PPP1R9B: variants seen among roughly 807,000 people sequenced by gnomAD.
PPP1R9B encodes neurabin-2.
Under a neutral mutation model 75.8 loss-of-function variants are expected in PPP1R9B, and 17 were observed. The ratio of observed to expected loss-of-function variants is 0.22; its 90% CI spans 0.15 to 0.34. PPP1R9B has a LOEUF of 0.34. PPP1R9B is among the 10% of genes least tolerant of loss of function. The pLI is 1.00. For missense variants in PPP1R9B, 875 were observed against 1,196.0 expected, an observed-to-expected ratio of 0.73 and a Z score of 3.96; for synonymous variants, 509 against 535.4, an observed-to-expected ratio of 0.95 and a Z score of 0.68.
intron 8 of PPP1R9B, 30 bp downstream of exon 8, chr17:50,135,938 G>GGCCCCC: frequency 4.9e-6 from 7 of 1,419,236 alleles, no homozygotes; most frequent in Non-Finnish European, 5.8e-6. Flanking sequence ...TGCTCCCTGG[G>GGCCCCC]CCCAGCCCGC....
chr17:50,149,046 C>G lies in PPP1R9B; in HGVS notation c.1371+97G>C. 1.1e-6 allele frequency: 1 copy of G among 932,508 alleles called. No individual in the cohort carries two copies. Among genetic ancestry groups the G allele is most frequent in the African/African-American group, 1.8e-5 (1 of 55,224 alleles). The allele number at this position is 932,508 out of a possible 1,614,324, so 57.8% of individuals were successfully genotyped here. On this transcript the variant is annotated intron_variant, in intron 1 of 9. Coordinates refer to ENST00000612501, the MANE Select transcript of PPP1R9B (RefSeq NM_032595.5). This position sits in a 1 kb window ranked among gnomAD's most constrained non-coding sequence, Gnocchi z 7.2. ...AAGGGGGCTGGGTGGCAGGGGCTGA[C>G]TCAGCCTGCCAAACCCGGCTGGCTG...
At chr17:50,146,425 C>CCAGACT (rs1271741284) in intron 1 of PPP1R9B, among the ~76,000 whole-genome samples, 1 of 152,146 alleles carries the variant, frequency 6.6e-6, no homozygotes, top group African/African-American at 2.4e-5. Flanking sequence ...ACTAGGACCC[C>CCAGACT]ATCTCCCCCA....
At position 50,134,982 on chromosome 17, in the gene PPP1R9B, A is replaced by G. The variant is rs530862682; in HGVS notation, c.*349T>C. On this transcript the variant is annotated 3_prime_UTR_variant, in exon 10 of 10. Transcript: ENST00000612501. Reference sequence around the variant, plus strand: ...GCTGGGAGAGCCCCAGCCCCGTTCCAGTCCAGAGACAAAAGCTGGAGTGTG... The same window carrying G: ...GCTGGGAGAGCCCCAGCCCCGTTCCGGTCCAGAGACAAAAGCTGGAGTGTG... 7.8e-5 allele frequency: 23 copies of G among 293,318 alleles called. No homozygotes were observed. In the South Asian group the frequency reaches 9.7e-4, roughly 12 times the overall value. The allele number at this position is 293,318 out of a possible 1,614,324, so 18.2% of individuals were successfully genotyped here. A position where few individuals can be genotyped will look rare whatever the true frequency, so the allele number is the denominator to read the frequency against.
At position 50,149,481 on chromosome 17, in the gene PPP1R9B, C is replaced by T; in HGVS notation, c.1033G>A (p.Glu345Lys). The T allele has an allele frequency of 1.2e-6, 2 of 1,601,014 alleles. No individual in the cohort carries two copies. The highest frequency in any genetic ancestry group is 1.7e-6 in the Non-Finnish European group (2 of 1,174,744). Residue 345 changes from glutamate (E) to lysine (K), a missense_variant, in exon 1 of 10, where the codon GAG (glutamate) becomes AAG (lysine). By Grantham distance (56) the Glu-to-Lys change is moderately conservative (BLOSUM62 1). Around this residue, in one of 4 missense-constraint regions of PPP1R9B, gnomAD observed 449 missense variants for 475.0 expected, o/e 0.95. Transcript: ENST00000612501. The surrounding 1 kb of genome is among the most constrained non-coding windows in gnomAD (Gnocchi z 7.2). ...TCCGGGGCCGCTTGGGCCTTTGGCT[C>T]CTCGGGCGCGGGGCTGGCTGCAGTT... ...VATAASPAPE[E>K]PKAQAAPEKE...
intron 1 of PPP1R9B, among the ~76,000 whole-genome samples, chr17:50,148,363 G>A (rs1912576216): frequency 6.6e-6 from 1 of 152,238 alleles, no homozygotes. Context: ...CAAGAGTAAA[G>A]GCATGCCCAC....
chr17:50,137,907 GCCAT>G (rs1912269472), intron 7 of PPP1R9B, among the ~76,000 whole-genome samples: 1 of 152,098 alleles, frequency 6.6e-6, no homozygotes, highest in Non-Finnish European at 1.5e-5. Context: ...TTCTGCCCCA[GCCAT>G]CCAAACCCTG....
At chr17:50,140,038 C>T in intron 5 of PPP1R9B, 55 bp downstream of exon 5, 1 of 1,591,148 alleles carries the variant, frequency 6.3e-7, no homozygotes, top group Non-Finnish European at 8.6e-7. Flanking sequence ...GACTGTAATG[C>T]TTCATCTAGC....
At chr17:50,146,525 G>A (rs1295856161) in intron 1 of PPP1R9B, among the ~76,000 whole-genome samples, 1 of 152,162 alleles carries the variant, frequency 6.6e-6, no homozygotes, top group South Asian at 2.1e-4. Context: ...GCCTTTGTCT[G>A]GGTTTGCTCC....
At chr17:50,136,605 A>T (rs1021372252) in intron 7 of PPP1R9B, among the ~76,000 whole-genome samples, 2 of 151,802 alleles carry the variant, frequency 1.3e-5, no homozygotes, top group African/African-American at 2.4e-5. Context: ...GGTCACCATT[A>T]CTCTCTGTCC....
rs750999666 is a variant in PPP1R9B, at chr17:50,149,982, G to A, written c.532C>T (p.Leu178=). The A allele has an allele frequency of 4.0e-5, 61 of 1,507,898 alleles. No individual in the cohort carries two copies. The highest frequency in any genetic ancestry group is 5.3e-5 in the Non-Finnish European group (60 of 1,137,290). 93.4% of individuals were successfully genotyped at this position (1,507,898 alleles called of 1,614,324 possible). Residue 178 remains leucine (L), a synonymous_variant, in exon 1 of 10, where the codon CTG becomes TTG. Transcript: ENST00000612501. The surrounding 1 kb of genome is among the most constrained non-coding windows in gnomAD (Gnocchi z 7.2). ...ACGACGTCCAGCTTCCGGTCCTGCA[G>A]GCCGGCGCGCTCCTGCCTCAGCAGC... is the stretch of plus-strand genomic sequence containing the variant. ...RRLLRQERAG[L]QDRKLDVVVR...
chr17:50,140,080 A>C lies in PPP1R9B; in HGVS notation c.1866+13T>G. The C allele has an allele frequency of 2.5e-6, 4 of 1,612,228 alleles. No individual in the cohort carries two copies. The highest frequency in any genetic ancestry group is 3.4e-6 in the Non-Finnish European group (4 of 1,179,186). On this transcript the variant is annotated intron_variant, in intron 5 of 9. Coordinates refer to ENST00000612501, the MANE Select transcript of PPP1R9B (RefSeq NM_032595.5). ...GGGGCGACCACGCGGCCAGCCAGGC[A>C]GGGACTCCCTACCTCCTCGTCATCC...
intron 4 of PPP1R9B, 96 bp downstream of exon 4, chr17:50,141,173 C>T (rs1912365374): frequency 2.5e-6 from 2 of 801,588 alleles, no homozygotes; most frequent in Non-Finnish European, 4.0e-6. Flanking sequence ...GTGAGCTGGG[C>T]CACCAGAACC....
Position 50,136,023 on chromosome 17 carries a change from C to A in PPP1R9B, c.2248G>T (p.Ala750Ser), listed in dbSNP as rs376011357. 7 of 1,606,542 alleles carry A rather than the reference C, an allele frequency of 4.4e-6. No individual in the cohort carries two copies. Among genetic ancestry groups the A allele is most frequent in the Non-Finnish European group, 5.9e-6 (7 of 1,176,730 alleles). The change falls in exon 8 of 10, where the codon GCC becomes TCC. Residue 750 changes from alanine (A) to serine (S), a missense_variant. Around this residue, in one of 4 missense-constraint regions of PPP1R9B, gnomAD observed 218 missense variants for 334.6 expected, o/e 0.65. Transcript: ENST00000612501. ...HLRETQAQYQ[A>S]LERKYSKAKR... ...GCCTTGCTGTACTTGCGCTCCAGGG[C>A]CTGGTACTGCGCCTGAGTCTCCCGC...
At position 50,139,468 on chromosome 17, in the gene PPP1R9B, C is replaced by G. The variant is rs1192341575; in HGVS notation, c.1980G>C (p.Val660=). 1 of 1,604,676 alleles carries G rather than the reference C, an allele frequency of 6.2e-7. No homozygotes were observed. Among genetic ancestry groups the G allele is most frequent in the Non-Finnish European group, 8.5e-7 (1 of 1,173,792 alleles). Residue 660 remains valine, a synonymous_variant, in exon 6 of 10, where the codon GTG becomes GTC. Transcript: ENST00000612501. The surrounding 1 kb of genome is among the most constrained non-coding windows in gnomAD (Gnocchi z 5.0). ...GCACCAGCTTCTCGGGCTCCATGTC[C>G]ACAGGGGACAGTGCATCCTCGTTCT... is the stretch of plus-strand genomic sequence containing the variant. ...LAENEDALSP[V]DMEPEKLVHK...
chr17:50,135,548 C>T lies in PPP1R9B; in HGVS notation c.2400+5G>A, dbSNP rs545232230. 1 of 1,609,170 alleles carries T rather than the reference C, an allele frequency of 6.2e-7. No individual in the cohort carries two copies. The highest frequency in any genetic ancestry group is 8.5e-7 in the Non-Finnish European group (1 of 1,177,528). ...GGCCCTGCCCACAGGGCGCCCCAGG[C>T]CCACCTTGTCCAGGAGCTTGTCCAT... On this transcript the variant is annotated splice_donor_5th_base_variant and intron_variant, in intron 9 of 9. Coordinates refer to ENST00000612501, the MANE Select transcript of PPP1R9B (RefSeq NM_032595.5).
chr17:50,136,888 GC>G (rs1483743356), intron 7 of PPP1R9B, among the ~76,000 whole-genome samples: 3 of 152,250 alleles, frequency 2.0e-5, no homozygotes, highest in African/African-American at 7.2e-5. Context: ...CAGGTACCAT[GC>G]CCCAGACCAG....
Position 50,145,183 on chromosome 17 carries a change from T to A in PPP1R9B, c.1434A>T (p.Ala478=). 1.9e-6 allele frequency: 3 copies of A among 1,614,006 alleles called. No individual in the cohort carries two copies. The highest frequency in any genetic ancestry group is 2.5e-6 in the Non-Finnish European group (3 of 1,179,888). The change falls in exon 2 of 10, where the codon GCA becomes GCT. Residue 478 remains alanine (A), a synonymous_variant. Transcript: ENST00000612501. ...TCTCCAGCTCGTACTCAGCAGAGGC[T>A]GCCATGGGATCCACATCCTCGTTGC... The part of the protein sequence containing the change: ...DRRNEDVDPM[A]ASAEYELEKR...
Position 50,139,629 on chromosome 17 carries a change from T to A in PPP1R9B, c.1867-48A>T. 1 of 1,512,588 alleles carries A rather than the reference T, an allele frequency of 6.6e-7. No homozygotes were observed. Among genetic ancestry groups the A allele is most frequent in the Non-Finnish European group, 8.8e-7 (1 of 1,130,902 alleles). The allele number at this position is 1,512,588 out of a possible 1,614,324, so 93.7% of individuals were successfully genotyped here. A position where few individuals can be genotyped will look rare whatever the true frequency, so the allele number is the denominator to read the frequency against. Reference sequence around the variant, plus strand: ...GTGGGCCCACCCCACCCAGCTGCCCTCAGCCCTGATGACCAGGGCTGGGAC... The same window carrying A: ...GTGGGCCCACCCCACCCAGCTGCCCACAGCCCTGATGACCAGGGCTGGGAC... On this transcript the variant is annotated intron_variant, in intron 5 of 9. Coordinates refer to ENST00000612501, the MANE Select transcript of PPP1R9B (RefSeq NM_032595.5). This position sits in a 1 kb window ranked among gnomAD's most constrained non-coding sequence, Gnocchi z 5.0.
intron 1 of PPP1R9B, among the ~76,000 whole-genome samples, chr17:50,147,468 C>T (rs1342812184): frequency 2.0e-5 from 3 of 152,210 alleles, no homozygotes; most frequent in Non-Finnish European, 4.4e-5. Flanking sequence ...ACACTGGGCC[C>T]GCCACACACG....
Sources: allele counts gnomAD v4.1 joint callset (sites outside exome capture counted in the v4.1 genomes callset), GRCh38; gene constraint gnomAD v4.1.1; regional missense constraint gnomAD v4.1.1; non-coding constraint Gnocchi (gnomAD v3.1); transcripts MANE v1.5; gene names NCBI Gene and HGNC (gene_info 2026-07-23, HGNC 2026-07-21).